PLEKHG1: variants seen among roughly 807,000 people sequenced by gnomAD.
PLEKHG1 encodes pleckstrin homology and RhoGEF domain containing G1.
In PLEKHG1, 44 loss-of-function variants were observed where a neutral mutation model predicts 100.8. That is an observed-to-expected ratio of 0.44 (90% CI 0.34 to 0.56). PLEKHG1 has a LOEUF of 0.56. PLEKHG1 is among the 20% of genes least tolerant of loss of function. The pLI is 0.01. For synonymous variants in PLEKHG1, 640 were observed against 662.5 expected (o/e 0.97, Z 0.52); for missense variants, 1,545 against 1,720.9 (o/e 0.90, Z 1.81).
At chr6:150,671,234 T>A (rs62434120) in intron 3 of PLEKHG1, among the ~76,000 whole-genome samples, 14,985 of 152,150 alleles carry the variant, frequency 0.098, 847 homozygotes, top group South Asian at 0.16. Flanking sequence ...AACGACTTCT[T>A]TTCCTCTGGG....
At chr6:150,687,735 G>C (rs1331763976) in intron 3 of PLEKHG1, among the ~76,000 whole-genome samples, 1 of 152,126 alleles carries the variant, frequency 6.6e-6, no homozygotes, top group Non-Finnish European at 1.5e-5. Flanking sequence ...CTGGCCTGCT[G>C]CCCCTCCATG....
At chr6:150,691,133 CT>C (rs1780336431) in intron 3 of PLEKHG1, among the ~76,000 whole-genome samples, 1 of 152,194 alleles carries the variant, frequency 6.6e-6, no homozygotes, top group Non-Finnish European at 1.5e-5. Context: ...ACTTATTTCA[CT>C]TGGTATAGTA....
exon 2 of PLEKHG1, chr6:150,733,876 C>T (rs775741514): frequency 7.4e-6 from 12 of 1,614,034 alleles, no homozygotes; most frequent in East Asian, 6.7e-5. Context: ...TTTCCAGCAG[C>T]GAGCTGCAGA....
chr6:150,814,402 C>T (rs748129777), intron 10 of PLEKHG1, among the ~76,000 whole-genome samples: 5 of 152,238 alleles, frequency 3.3e-5, no homozygotes, highest in Admixed American at 6.5e-5. Context: ...TTAATATAGT[C>T]AATATAACAT....
intron 2 of PLEKHG1, among the ~76,000 whole-genome samples, chr6:150,748,975 A>G (rs1421754128): frequency 6.6e-6 from 1 of 152,102 alleles, no homozygotes. Flanking sequence ...TCATCTTAAA[A>G]TGGGGGAGAT....
At chr6:150,778,982 A>C (rs1192585530) in intron 3 of PLEKHG1, among the ~76,000 whole-genome samples, 1 of 152,244 alleles carries the variant, frequency 6.6e-6, no homozygotes, top group Non-Finnish European at 1.5e-5. Flanking sequence ...GGAACAGCAA[A>C]CAAATCTTTC....
chr6:150,758,105 T>C (rs375502195), intron 2 of PLEKHG1, among the ~76,000 whole-genome samples: 2 of 152,196 alleles, frequency 1.3e-5, no homozygotes, highest in Non-Finnish European at 2.9e-5. Context: ...GTTGATTCTA[T>C]GTCTTTGCTA....
intron 1 of PLEKHG1, among the ~76,000 whole-genome samples, chr6:150,619,880 G>A (rs535522869): frequency 1.3e-5 from 2 of 152,258 alleles, no homozygotes; most frequent in South Asian, 2.1e-4. Context: ...GAGATGACAG[G>A]TCTTTTAGAC....
At chr6:150,805,178 G>A (rs1396248269) in intron 7 of PLEKHG1, among the ~76,000 whole-genome samples, 3 of 151,804 alleles carry the variant, frequency 2.0e-5, no homozygotes, top group Admixed American at 6.6e-5. Flanking sequence ...CAGGTGATCC[G>A]CCTGCCTTGG....
chr6:150,624,861 A>T (rs940084645), intron 1 of PLEKHG1: 1 of 152,130 alleles, frequency 6.6e-6, no homozygotes, highest in Non-Finnish European at 1.5e-5. Context: ...TTTTTTTCAT[A>T]ACAACTAAGT....
In PLEKHG1 at chr6:150,715,366, A is replaced by G. The variant is rs186217009; in HGVS notation, c.-98-18218A>G. Among the ~76,000 whole-genome samples the G allele has an allele frequency of 9.8e-5, 15 of 152,334 alleles. No homozygotes were observed. The East Asian group carries it at 2.7e-3, about 27-fold the overall frequency. On this transcript the variant is annotated intron_variant, in intron 3 of 3. Coordinates refer to the PLEKHG1 transcript ENST00000367326. ...AGCAGCTGCAATGCAGAATGGTGTT[A>G]GTACGTTAGCTCTTATTTACAGGAG...
In PLEKHG1 at chr6:150,654,733, C is replaced by T. The variant is rs1388040701; in HGVS notation, c.-99+3947C>T. 4.6e-5 allele frequency among the ~76,000 whole-genome samples: 7 copies of T among 152,214 alleles called. No homozygotes were observed. In the East Asian group the frequency reaches 1.3e-3, roughly 29 times the overall value. ...GTCCCAGGGCCTTGTAACTGTTTTCCTCGGGGCTGATGGATTTATTGTAAG... is the reference window on the plus strand; with the variant it reads ...GTCCCAGGGCCTTGTAACTGTTTTCTTCGGGGCTGATGGATTTATTGTAAG... On this transcript the variant is annotated intron_variant, in intron 3 of 3. Coordinates refer to the PLEKHG1 transcript ENST00000367326.
rs532885907 is a variant in PLEKHG1, at chr6:150,813,050, A to G, written c.1278+3316A>G. 2.3e-4 allele frequency among the ~76,000 whole-genome samples: 35 copies of G among 152,228 alleles called. 2 individuals carry two copies. In the South Asian group the frequency reaches 7.1e-3, roughly 31 times the overall value. On this transcript the variant is annotated intron_variant, in intron 10 of 15. Transcript: ENST00000358517. ...GCCGGGCGCGGTGGCTCACACCTGT[A>G]ATCCCAGCACTTTGGGAGGCGGAGG... is the stretch of plus-strand genomic sequence containing the variant.
At chr6:150,802,440 C>T (rs1786766029) in intron 6 of PLEKHG1, among the ~76,000 whole-genome samples, 1 of 151,686 alleles carries the variant, frequency 6.6e-6, no homozygotes, top group Admixed American at 6.6e-5. Context: ...AGATGGCCTT[C>T]AGTCAAAAGG....
At chr6:150,802,237 A>G (rs1433798508) in intron 6 of PLEKHG1, among the ~76,000 whole-genome samples, 1 of 152,222 alleles carries the variant, frequency 6.6e-6, no homozygotes, top group Non-Finnish European at 1.5e-5. Context: ...ATGAAGTCAC[A>G]TCAGGGATAT....
chr6:150,795,288 G>A (rs1215055813), intron 4 of PLEKHG1, among the ~76,000 whole-genome samples: 2 of 151,932 alleles, frequency 1.3e-5, no homozygotes, highest in Non-Finnish European at 2.9e-5. Flanking sequence ...TACTCAGCAG[G>A]CTGAAGCACA....
intron 1 of PLEKHG1, among the ~76,000 whole-genome samples, chr6:150,619,581 A>G (rs993835300): frequency 1.3e-5 from 2 of 152,196 alleles, no homozygotes; most frequent in African/African-American, 4.8e-5. Context: ...GAGATGCTTC[A>G]TACCAAGGGA....
intron 1 of PLEKHG1, among the ~76,000 whole-genome samples, chr6:150,606,458 A>G (rs960748031): frequency 3.3e-5 from 5 of 151,898 alleles, no homozygotes; most frequent in Non-Finnish European, 5.9e-5. Flanking sequence ...TTTAGATCCA[A>G]CCCCTTCCCA....
At chr6:150,717,180 T>A (rs577314665), upstream of PLEKHG1, among the ~76,000 whole-genome samples, 35 of 151,628 alleles carry the variant, frequency 2.3e-4, 2 homozygotes, top group South Asian at 7.3e-3. Flanking sequence ...TACAGACATG[T>A]GCCACCACGC....
Sources: allele counts gnomAD v4.1 joint callset (sites outside exome capture counted in the v4.1 genomes callset), GRCh38; gene constraint gnomAD v4.1.1; transcripts MANE v1.5; gene names NCBI Gene and HGNC (gene_info 2026-07-23, HGNC 2026-07-21).